The following ERCC8 variants were observed in gnomAD, a reference collection of about 807,000 sequenced individuals.
ERCC8 encodes DNA excision repair protein ERCC-8.
ERCC8 carries 52 observed loss-of-function variants against 54.9 expected under a neutral mutation model. That is an observed-to-expected ratio of 0.95 (90% CI 0.76 to 1.19). The LOEUF is 1.19. ERCC8 is among the 50% of genes most tolerant of loss of function. ERCC8 has a pLI of 0.00. For missense variants in ERCC8, 514 were observed against 466.1 expected (o/e 1.10, Z -0.95); for synonymous variants, 146 against 157.2 (o/e 0.93, Z 0.53).
chr5:60,925,716 G>A (rs1749727367), intron 2 of ERCC8, among the ~76,000 whole-genome samples: 1 of 152,286 alleles, frequency 6.6e-6, no homozygotes, highest in African/African-American at 2.4e-5. Context: ...TCATGACCTA[G>A]TTTGGTTGTA....
At position 60,945,038 on chromosome 5, in the gene ERCC8, G is replaced by A. The variant is rs749696593; in HGVS notation, c.-30C>T. The A allele has an allele frequency of 1.1e-5, 17 of 1,592,994 alleles. No homozygotes were observed. Among genetic ancestry groups the A allele is most frequent in the Admixed American group, 3.3e-5 (2 of 59,982 alleles). On this transcript the variant is annotated 5_prime_UTR_variant, in exon 1 of 12. Transcript: ENST00000676185. ...TGTCCTCACACCGGCTGGAGCACTG[G>A]ACGTCGCCATGACAGAGCTCAGGGG...
At chr5:60,878,145 T>C (rs903972634) in intron 11 of ERCC8, among the ~76,000 whole-genome samples, 3 of 152,220 alleles carry the variant, frequency 2.0e-5, no homozygotes, top group Non-Finnish European at 4.4e-5. Flanking sequence ...GTTTTTGTCA[T>C]TGGTTCTGTT....
rs1245047060 is a variant in ERCC8, at chr5:60,872,043, C to T, written c.*2572G>A. 1.3e-5 allele frequency among the ~76,000 whole-genome samples: 2 copies of T among 152,286 alleles called. No homozygotes were observed. Among genetic ancestry groups the T allele is most frequent in the East Asian group, 3.9e-4 (2 of 5,186 alleles). On this transcript the variant is annotated 3_prime_UTR_variant, in exon 12 of 12. Transcript: ENST00000676185. ...TCTTGAACTCCTGAGCTCAAGTGAT[C>T]TGCCTGTCTCAGCTCACAAAGTGTT...
intron 9 of ERCC8, 73 bp from the exon 10 acceptor site, chr5:60,891,159 T>C (rs1748537157): frequency 3.0e-6 from 3 of 988,920 alleles, no homozygotes; most frequent in Non-Finnish European, 4.7e-6. Flanking sequence ...CTAGGAGAAA[T>C]ACTTAAAATA....
At chr5:60,917,795 A>G in intron 4 of ERCC8, among the ~76,000 whole-genome samples, 1 of 152,186 alleles carries the variant, frequency 6.6e-6, no homozygotes, top group South Asian at 2.1e-4. Context: ...CATACAAACT[A>G]TTATCCATTG....
In ERCC8 at chr5:60,873,287, C is replaced by T. The variant is rs4647168; in HGVS notation, c.*1328G>A. Among the ~76,000 whole-genome samples the T allele has an allele frequency of 0.85, 129,562 of 152,108 alleles. 55,633 individuals are homozygous for T. Among genetic ancestry groups the T allele is most frequent in the African/African-American group, 0.96 (39,715 of 41,526 alleles). On this transcript the variant is annotated 3_prime_UTR_variant, in exon 12 of 12. Coordinates refer to ENST00000676185, the MANE Select transcript of ERCC8 (RefSeq NM_000082.4). ...TGGTAAATACATACAATTTTATCTG[C>T]CAATTGGAAAAAAAAATCAATTGTA...
At chr5:60,929,220 T>C (rs1442450801) in intron 1 of ERCC8, among the ~76,000 whole-genome samples, 1 of 152,182 alleles carries the variant, frequency 6.6e-6, no homozygotes, top group Admixed American at 6.5e-5. Flanking sequence ...TAAATGTAGC[T>C]GAGGACATCT....
At chr5:60,936,593 T>C (rs993477659) in intron 1 of ERCC8, among the ~76,000 whole-genome samples, 1 of 152,178 alleles carries the variant, frequency 6.6e-6, no homozygotes, top group Non-Finnish European at 1.5e-5. Flanking sequence ...TTTCTCCAGT[T>C]CCTTGAGGTA....
At chr5:60,925,075 G>A (rs373564291) in intron 2 of ERCC8, among the ~76,000 whole-genome samples, 1 of 152,004 alleles carries the variant, frequency 6.6e-6, no homozygotes, top group Non-Finnish European at 1.5e-5. Flanking sequence ...TAATGATTTT[G>A]TAGGAACTTT....
intron 10 of ERCC8, among the ~76,000 whole-genome samples, chr5:60,890,408 G>A (rs549855867): frequency 6.6e-6 from 1 of 152,178 alleles, no homozygotes; most frequent in Non-Finnish European, 1.5e-5. Flanking sequence ...AGATCTGGAT[G>A]TAAAACAAAC....
At chr5:60,887,256 T>C (rs897583233) in intron 11 of ERCC8, among the ~76,000 whole-genome samples, 184 bp downstream of exon 11, 3 of 152,190 alleles carry the variant, frequency 2.0e-5, no homozygotes, top group Non-Finnish European at 4.4e-5. Flanking sequence ...TCTCACTACA[T>C]TGCCCAGGCT....
intron 11 of ERCC8, among the ~76,000 whole-genome samples, chr5:60,877,290 GTA>G (rs956635421): frequency 3.9e-5 from 6 of 152,186 alleles, no homozygotes; most frequent in Admixed American, 2.0e-4. Flanking sequence ...TAGCCTTGTA[GTA>G]TAGTTTGAAG....
chr5:60,911,035 T>G (rs1224658892), intron 4 of ERCC8, among the ~76,000 whole-genome samples: 1 of 152,132 alleles, frequency 6.6e-6, no homozygotes, highest in Admixed American at 6.5e-5. Flanking sequence ...CTATTCCTAG[T>G]ATGCAGAGAA....
intron 4 of ERCC8, among the ~76,000 whole-genome samples, chr5:60,906,854 GAAGGCTA>G (rs1443472439): frequency 6.6e-6 from 1 of 152,230 alleles, no homozygotes; most frequent in Non-Finnish European, 1.5e-5. Flanking sequence ...AAGGCAGCTT[GAAGGCTA>G]AAGGCAAGAG....
At position 60,866,665 on chromosome 5, in the gene ERCC8, T is replaced by C. The variant is rs1359675158; in HGVS notation, c.*7950A>G. On this transcript the variant is annotated 3_prime_UTR_variant, in exon 12 of 12. Transcript: ENST00000676185. ...GAGTGTTCACTCAGTATTAAGACAA[T>C]TCATAAAACTTTTATAATGACACTC... The C allele has an allele frequency of 6.6e-6, 1 of 152,198 alleles. No homozygotes were observed. Among genetic ancestry groups the C allele is most frequent in the East Asian group, 1.9e-4 (1 of 5,198 alleles). 9.4% of individuals were successfully genotyped at this position (152,198 alleles called of 1,614,324 possible).
At position 60,874,502 on chromosome 5, in the gene ERCC8, T is replaced by C. The variant is rs567684336; in HGVS notation, c.*113A>G. On this transcript the variant is annotated 3_prime_UTR_variant, in exon 12 of 12. Coordinates refer to ENST00000676185, the MANE Select transcript of ERCC8 (RefSeq NM_000082.4). ...CCTCATTTTAAAACATGAGGAAAAA[T>C]ATTACCCACATTTAGGGCTAATTTA... The C allele has an allele frequency of 7.8e-4, 674 of 860,354 alleles. 12 individuals carry two copies. The South Asian group carries it at 0.01, about 13-fold the overall frequency. 53.3% of individuals were successfully genotyped at this position (860,354 alleles called of 1,614,324 possible).
intron 11 of ERCC8, among the ~76,000 whole-genome samples, chr5:60,876,689 T>C (rs1187906383): frequency 6.6e-6 from 1 of 152,236 alleles, no homozygotes; most frequent in African/African-American, 2.4e-5. Flanking sequence ...TTTTGAGAAG[T>C]GTTTGTTCAT....
chr5:60,929,280 T>C (rs1749839912), intron 1 of ERCC8, among the ~76,000 whole-genome samples: 1 of 152,112 alleles, frequency 6.6e-6, no homozygotes, highest in African/African-American at 2.4e-5. Context: ...TTGAAATGTT[T>C]CTTAAAGACG....
chr5:60,882,318 T>A (rs979223033), intron 11 of ERCC8, among the ~76,000 whole-genome samples: 1 of 152,216 alleles, frequency 6.6e-6, no homozygotes, highest in African/African-American at 2.4e-5. Context: ...ATATATTAAT[T>A]TAGGCATTCT....
Sources: gnomAD v4.1 joint callset for allele counts (sites outside exome capture counted in the v4.1 genomes callset) on GRCh38, gnomAD v4.1.1 for gene constraint, MANE v1.5 for transcripts, NCBI Gene and HGNC (gene_info 2026-07-23, HGNC 2026-07-21) for gene names.